SLC8A1: variants seen among roughly 807,000 people sequenced by gnomAD.
The protein encoded by SLC8A1 is solute carrier family 8 member A1.
In SLC8A1, 18 loss-of-function variants were observed where a neutral mutation model predicts 68.3. The ratio of observed to expected loss-of-function variants is 0.26; its 90% confidence interval spans 0.18 to 0.39. The LOEUF is 0.39. Among genes scored for constraint, SLC8A1 ranks in the 10% least tolerant of loss-of-function variants. The pLI, the probability that SLC8A1 is intolerant of heterozygous loss-of-function variation, is 1.00. For synonymous variants in SLC8A1, 475 were observed against 415.5 expected, an observed-to-expected ratio of 1.14 and a Z score of -1.74; for missense variants, 985 against 1,156.7, an observed-to-expected ratio of 0.85 and a Z score of 2.15.
chr2:40,312,377 T>C (rs1338631365), intron 2 of SLC8A1, among the ~76,000 whole-genome samples: 2 of 152,116 alleles, frequency 1.3e-5, no homozygotes, highest in Non-Finnish European at 2.9e-5. Context: ...ATAGGTTATA[T>C]TAATGGTGCC....
intron 2 of SLC8A1, among the ~76,000 whole-genome samples, chr2:40,387,567 A>T (rs960977979): frequency 6.6e-6 from 1 of 151,438 alleles, no homozygotes; most frequent in Non-Finnish European, 1.5e-5. Context: ...GGCATCCTAG[A>T]CGTTATAGCT....
intron 1 of SLC8A1, among the ~76,000 whole-genome samples, chr2:40,495,395 A>AAAGC (rs762712301): frequency 1.3e-5 from 2 of 152,068 alleles, no homozygotes; most frequent in Non-Finnish European, 2.9e-5. Context: ...ATGTAGGAGG[A>AAAGC]AAGCGAAGGA....
At chr2:40,365,636 G>C (rs1675924874) in intron 2 of SLC8A1, among the ~76,000 whole-genome samples, 1 of 152,028 alleles carries the variant, frequency 6.6e-6, no homozygotes, top group South Asian at 2.1e-4. Context: ...CTGTTTGGTT[G>C]ATGACCTGTC....
intron 2 of SLC8A1, among the ~76,000 whole-genome samples, chr2:40,390,423 T>C (rs928399686): frequency 3.1e-4 from 47 of 152,114 alleles, no homozygotes; most frequent in Admixed American, 3.1e-3. Flanking sequence ...TCTAAATAGT[T>C]ACAGAAACAT....
chr2:40,244,220 T>A (rs545709344), intron 2 of SLC8A1, among the ~76,000 whole-genome samples: 41 of 152,268 alleles, frequency 2.7e-4, no homozygotes, highest in Non-Finnish European at 4.4e-4. Flanking sequence ...CACTGCACTC[T>A]TGGTTTAGTG....
chr2:40,139,611 G>A, exon 7 of SLC8A1: 1 of 1,614,122 alleles, frequency 6.2e-7, no homozygotes, highest in South Asian at 1.1e-5. Flanking sequence ...GTCAGAAAGT[G>A]CATCACGTAA....
At chr2:40,444,418 A>T (rs1219700601) in intron 1 of SLC8A1, among the ~76,000 whole-genome samples, 12 of 152,170 alleles carry the variant, frequency 7.9e-5, no homozygotes, top group Non-Finnish European at 1.5e-4. Flanking sequence ...CTGATAACTG[A>T]AAGAGACATT....
At chr2:40,140,403 C>T (rs1004928487) in intron 6 of SLC8A1, among the ~76,000 whole-genome samples, 3 of 152,204 alleles carry the variant, frequency 2.0e-5, no homozygotes, top group African/African-American at 7.2e-5. Context: ...GTGATGCACT[C>T]TCTGACCTCC....
At chr2:40,478,040 T>TATA (rs1253922005) in intron 1 of SLC8A1, among the ~76,000 whole-genome samples, 10 of 152,342 alleles carry the variant, frequency 6.6e-5, no homozygotes, top group African/African-American at 2.4e-4. Context: ...GACATCAAAC[T>TATA]GTGAAAGTCA....
chr2:40,393,636 C>A (rs965032701), intron 2 of SLC8A1, among the ~76,000 whole-genome samples: 1 of 151,910 alleles, frequency 6.6e-6, no homozygotes, highest in Non-Finnish European at 1.5e-5. Context: ...GTGCTCCCAG[C>A]AAAACTAATT....
intron 2 of SLC8A1, among the ~76,000 whole-genome samples, chr2:40,337,562 C>G (rs1020405072): frequency 6.6e-6 from 1 of 152,168 alleles, no homozygotes; most frequent in Non-Finnish European, 1.5e-5. Flanking sequence ...CTCAGTGGCA[C>G]TCAATGGTAT....
chr2:40,174,313 A>G (rs1009525503), intron 4 of SLC8A1, among the ~76,000 whole-genome samples: 7 of 152,138 alleles, frequency 4.6e-5, no homozygotes, highest in African/African-American at 1.7e-4. Context: ...TATTTTCTCA[A>G]TATGGCATTT....
At chr2:40,172,078 ATTC>A (rs2047593928) in intron 4 of SLC8A1, among the ~76,000 whole-genome samples, 1 of 152,232 alleles carries the variant, frequency 6.6e-6, no homozygotes, top group African/African-American at 2.4e-5. Context: ...GGCTAGATTA[ATTC>A]TTCTTACTGC....
chr2:40,331,714 C>T (rs2076432058), intron 2 of SLC8A1, among the ~76,000 whole-genome samples: 3 of 152,132 alleles, frequency 2.0e-5, no homozygotes, highest in South Asian at 4.2e-4. Context: ...CTGCCTTAGC[C>T]TACCGAGTAG....
At chr2:40,299,289 G>T (rs2070986649) in intron 2 of SLC8A1, among the ~76,000 whole-genome samples, 1 of 152,144 alleles carries the variant, frequency 6.6e-6, no homozygotes, top group African/African-American at 2.4e-5. Context: ...TCCATAAAGG[G>T]AGTTGATTGC....
chr2:40,418,066 G>C (rs549049910), intron 2 of SLC8A1, among the ~76,000 whole-genome samples: 2 of 152,260 alleles, frequency 1.3e-5, no homozygotes, highest in East Asian at 3.9e-4. Context: ...AATAGCTATA[G>C]AAGTCATGAA....
chr2:40,333,437 CAAAAAAA>C (rs11392390), intron 2 of SLC8A1, among the ~76,000 whole-genome samples: 1 of 73,868 alleles, frequency 1.4e-5, no homozygotes, highest in African/African-American at 4.1e-5. Context: ...GACTCCGTCT[CAAAAAAA>C]AAAAAAAAAG....
intron 6 of SLC8A1, among the ~76,000 whole-genome samples, chr2:40,148,604 G>C (rs1047188426): frequency 6.6e-6 from 1 of 152,262 alleles, no homozygotes; most frequent in African/African-American, 2.4e-5. Flanking sequence ...TTTTTAACGA[G>C]ATCTCAGTAA....
At chr2:40,238,559 C>T (rs1033683193) in intron 2 of SLC8A1, among the ~76,000 whole-genome samples, 2 of 152,298 alleles carry the variant, frequency 1.3e-5, no homozygotes, top group Non-Finnish European at 1.5e-5. Context: ...AGAAATCGCC[C>T]GTCTTCTGCG....
Sources: allele counts gnomAD v4.1 joint callset (sites outside exome capture counted in the v4.1 genomes callset), GRCh38; gene constraint gnomAD v4.1.1; transcripts MANE v1.5; gene names NCBI Gene and HGNC (gene_info 2026-07-23, HGNC 2026-07-21).